The following DYNC1I1 variants were observed in gnomAD, a reference collection of about 807,000 sequenced individuals.
DYNC1I1 encodes the protein dynein cytoplasmic 1 intermediate chain 1, also known as cytoplasmic dynein 1 intermediate chain 1.
DYNC1I1 carries 43 observed loss-of-function variants against 86.6 expected under a neutral mutation model. The observed-to-expected ratio is 0.50, with a 90% confidence interval of 0.39 to 0.64. The LOEUF (loss-of-function observed/expected upper bound fraction) is 0.64. Among genes scored for constraint, DYNC1I1 ranks in the 30% least tolerant of loss-of-function variants. The pLI is 0.00. For missense variants in DYNC1I1, 604 were observed against 788.8 expected (o/e 0.77, Z 2.81); for synonymous variants, 262 against 283.7 (o/e 0.92, Z 0.77).
intron 16 of DYNC1I1, among the ~76,000 whole-genome samples, chr7:96,083,133 A>G (rs1401644651): frequency 1.3e-5 from 2 of 152,178 alleles, no homozygotes; most frequent in African/African-American, 2.4e-5. Flanking sequence ...AGTAGGTAAT[A>G]TTACAATCTC....
intron 1 of DYNC1I1, among the ~76,000 whole-genome samples, chr7:95,791,936 A>G (rs976121197): frequency 6.6e-6 from 1 of 152,206 alleles, no homozygotes; most frequent in African/African-American, 2.4e-5. Context: ...ATAATGAGGA[A>G]AAATTTCTCT....
intron 10 of DYNC1I1, among the ~76,000 whole-genome samples, chr7:95,997,068 C>G (rs565228416): frequency 3.7e-4 from 56 of 152,274 alleles, no homozygotes; most frequent in African/African-American, 1.2e-3. Context: ...AGAGTCCCAG[C>G]CTCAACCTGA....
intron 6 of DYNC1I1, among the ~76,000 whole-genome samples, chr7:95,941,884 G>A (rs1297987343): frequency 2.0e-5 from 3 of 152,178 alleles, no homozygotes; most frequent in Non-Finnish European, 4.4e-5. Flanking sequence ...GAAATCACCC[G>A]TCTTCTGTGT....
intron 10 of DYNC1I1, among the ~76,000 whole-genome samples, chr7:95,999,764 G>A (rs764729682): frequency 1.3e-5 from 2 of 152,142 alleles, no homozygotes; most frequent in Non-Finnish European, 2.9e-5. Flanking sequence ...GACCCTGGGT[G>A]AGTCATGGGG....
chr7:95,982,953 A>G (rs1408791510), intron 7 of DYNC1I1, among the ~76,000 whole-genome samples: 2 of 152,204 alleles, frequency 1.3e-5, no homozygotes, highest in Non-Finnish European at 1.5e-5. Context: ...ATTGAAGCCC[A>G]GCATATTTAG....
chr7:95,859,620 C>T (rs1010999185), intron 5 of DYNC1I1, among the ~76,000 whole-genome samples: 8 of 152,224 alleles, frequency 5.3e-5, no homozygotes, highest in Non-Finnish European at 1.0e-4. Flanking sequence ...CAGCTGAAGC[C>T]TGCCTGCCAC....
intron 4 of DYNC1I1, among the ~76,000 whole-genome samples, chr7:95,823,348 C>T (rs2618975): frequency 0.45 from 68,099 of 151,914 alleles, 16,515 homozygotes; most frequent in African/African-American, 0.63. Flanking sequence ...CTGGCTGGCA[C>T]GGAGCAAACA....
intron 2 of DYNC1I1, among the ~76,000 whole-genome samples, chr7:95,807,436 C>T (rs2690300): frequency 0.63 from 96,370 of 151,926 alleles, 31,577 homozygotes; most frequent in African/African-American, 0.79. Context: ...CCTGAAGTCA[C>T]CCTTTCACCA....
At chr7:95,938,470 TAATCACA>T (rs1275064092) in intron 6 of DYNC1I1, among the ~76,000 whole-genome samples, 1 of 152,222 alleles carries the variant, frequency 6.6e-6, no homozygotes, top group East Asian at 1.9e-4. Flanking sequence ...AAATGCAGGA[TAATCACA>T]TATGGCATTT....
intron 14 of DYNC1I1, among the ~76,000 whole-genome samples, chr7:96,069,007 T>G (rs1021885059): frequency 6.6e-6 from 1 of 152,116 alleles, no homozygotes; most frequent in Non-Finnish European, 1.5e-5. Context: ...ATTTGCTCAT[T>G]CTTCTAACTT....
intron 5 of DYNC1I1, among the ~76,000 whole-genome samples, chr7:95,857,349 G>C (rs1789752403): frequency 1.3e-5 from 2 of 152,132 alleles, no homozygotes; most frequent in Admixed American, 6.5e-5. Context: ...TTTTATTTGG[G>C]ATGAAGATCA....
intron 5 of DYNC1I1, among the ~76,000 whole-genome samples, chr7:95,848,856 GA>G (rs1269577222): frequency 1.7e-4 from 26 of 152,074 alleles, no homozygotes; most frequent in Middle Eastern, 3.4e-3. Flanking sequence ...TGTGTGCAAG[GA>G]TTCCCTTTTC....
At chr7:95,861,714 A>C (rs1433914947) in intron 5 of DYNC1I1, among the ~76,000 whole-genome samples, 1 of 152,130 alleles carries the variant, frequency 6.6e-6, no homozygotes, top group Non-Finnish European at 1.5e-5. Flanking sequence ...CCGAATGTGA[A>C]TTGTATAGTA....
At chr7:95,945,686 A>G (rs1792378939) in intron 6 of DYNC1I1, among the ~76,000 whole-genome samples, 2 of 109,384 alleles carry the variant, frequency 1.8e-5, no homozygotes, top group African/African-American at 2.8e-5. Flanking sequence ...CTGGCACATA[A>G]TGCAAAAATA....
chr7:95,806,817 C>T (rs1217137862), intron 2 of DYNC1I1, among the ~76,000 whole-genome samples: 1 of 152,108 alleles, frequency 6.6e-6, no homozygotes, highest in Non-Finnish European at 1.5e-5. Flanking sequence ...TTGATTCTGT[C>T]CATGCACTCT....
At chr7:95,807,676 T>TACCTGGCTGTCCTTC (rs1794733921) in intron 2 of DYNC1I1, among the ~76,000 whole-genome samples, 1 of 152,136 alleles carries the variant, frequency 6.6e-6, no homozygotes, top group Non-Finnish European at 1.5e-5. Flanking sequence ...CTGTTAACTT[T>TACCTGGCTGTCCTTC]ACCTGGCTGT....
chr7:96,009,913 G>T (rs1219345795), intron 10 of DYNC1I1, among the ~76,000 whole-genome samples: 6 of 151,784 alleles, frequency 4.0e-5, no homozygotes, highest in African/African-American at 1.5e-4. Context: ...CCAAGTAGCT[G>T]GAATTATAGC....
chr7:96,016,411 G>T (rs1198379579), intron 10 of DYNC1I1, among the ~76,000 whole-genome samples: 4 of 151,432 alleles, frequency 2.6e-5, no homozygotes, highest in Non-Finnish European at 5.9e-5. Context: ...TCCAAATGTA[G>T]ATTTATTTTA....
chr7:95,926,857 A>G (rs1469727367), intron 6 of DYNC1I1, among the ~76,000 whole-genome samples: 1 of 152,174 alleles, frequency 6.6e-6, no homozygotes, highest in Non-Finnish European at 1.5e-5. Flanking sequence ...TTCAACATGG[A>G]CAGCACTTGT....
Sources: gnomAD v4.1 joint callset for allele counts (sites outside exome capture counted in the v4.1 genomes callset) on GRCh38, gnomAD v4.1.1 for gene constraint, MANE v1.5 for transcripts, NCBI Gene and HGNC (gene_info 2026-07-23, HGNC 2026-07-21) for gene names.